LRP1B: variants seen among roughly 807,000 people sequenced by gnomAD.
LRP1B encodes LDL receptor related protein 1B, also known as low-density lipoprotein receptor-related protein 1B.
In LRP1B, 217 loss-of-function variants were observed where a neutral mutation model predicts 556.6. The observed-to-expected ratio is 0.39, with a 90% CI of 0.35 to 0.44. The LOEUF is 0.44. Among genes scored for constraint, LRP1B ranks in the 20% least tolerant of loss-of-function variants. The pLI is 1.00. For missense variants in LRP1B, 5,053 were observed against 5,620.8 expected, an observed-to-expected ratio of 0.90 and a Z score of 3.23; for synonymous variants, 2,047 against 1,865.8, an observed-to-expected ratio of 1.10 and a Z score of -2.50.
At chr2:140,821,544 A>G (rs1691329617) in intron 31 of LRP1B, among the ~76,000 whole-genome samples, 1 of 152,194 alleles carries the variant, frequency 6.6e-6, no homozygotes, top group Non-Finnish European at 1.5e-5. Context: ...TAAAAAATTT[A>G]CTTCTAAAAA....
At chr2:141,070,180 C>A (rs1558839051) in intron 7 of LRP1B, among the ~76,000 whole-genome samples, 1 of 151,904 alleles carries the variant, frequency 6.6e-6, no homozygotes, top group Admixed American at 6.6e-5. Flanking sequence ...ATATGTGCCA[C>A]ATTTTCTTAA....
Position 140,983,252 on chromosome 2 carries a change from T to C in LRP1B, c.2771-976A>G, listed in dbSNP as rs1005940246. 6.6e-5 allele frequency among the ~76,000 whole-genome samples: 10 copies of C among 152,192 alleles called. 1 individual carries two copies. The East Asian group carries it at 1.4e-3, about 21-fold the overall frequency. ...ATATCCCCTCTACCCTTTCCTTTCA[T>C]TGGACTAGAGAAAAAAATGAGATAT... On this transcript the variant is annotated intron_variant, in intron 17 of 90. Coordinates refer to ENST00000389484, the MANE Select transcript of LRP1B (RefSeq NM_018557.3).
intron 11 of LRP1B, among the ~76,000 whole-genome samples, chr2:141,037,831 A>G (rs897798548): frequency 6.6e-6 from 1 of 151,824 alleles, no homozygotes; most frequent in South Asian, 2.1e-4. Context: ...CAGAAGGAAG[A>G]CTTCCAAAAA....
chr2:141,721,324 A>C (rs73963548), intron 2 of LRP1B, among the ~76,000 whole-genome samples: 3,615 of 152,224 alleles, frequency 0.024, 163 homozygotes, highest in African/African-American at 0.082. Flanking sequence ...CTTCTTAAAG[A>C]AGCATTTGAG....
intron 1 of LRP1B, among the ~76,000 whole-genome samples, chr2:141,866,673 A>G (rs1698422380): frequency 6.6e-6 from 1 of 152,080 alleles, no homozygotes; most frequent in Non-Finnish European, 1.5e-5. Flanking sequence ...ATATTTTAGA[A>G]CCTAACACAG....
intron 1 of LRP1B, among the ~76,000 whole-genome samples, chr2:142,079,999 C>A (rs769707851): frequency 6.6e-6 from 1 of 151,866 alleles, no homozygotes; most frequent in Non-Finnish European, 1.5e-5. Flanking sequence ...CTTTCCTTCC[C>A]ATATTAATTT....
intron 1 of LRP1B, among the ~76,000 whole-genome samples, chr2:141,960,305 G>T (rs561448255): frequency 1.3e-5 from 2 of 151,878 alleles, no homozygotes; most frequent in East Asian, 3.9e-4. Flanking sequence ...GACTCTTGAT[G>T]CCCCCAGCCA....
intron 5 of LRP1B, among the ~76,000 whole-genome samples, chr2:141,237,794 CG>C (rs1683700533): frequency 6.6e-6 from 1 of 152,072 alleles, no homozygotes; most frequent in Non-Finnish European, 1.5e-5. Context: ...TGCAAACTGG[CG>C]GCTCTCACAA....
intron 35 of LRP1B, among the ~76,000 whole-genome samples, chr2:140,765,790 G>A (rs915609266): frequency 6.6e-6 from 1 of 152,062 alleles, no homozygotes; most frequent in African/African-American, 2.4e-5. Context: ...CATTCTTTCT[G>A]TAATATCATG....
chr2:140,276,060 C>A (rs986537730), intron 84 of LRP1B, among the ~76,000 whole-genome samples: 1 of 151,784 alleles, frequency 6.6e-6, no homozygotes, highest in East Asian at 1.9e-4. Flanking sequence ...TGATTCCAGA[C>A]TTTGTGTTTA....
At chr2:141,097,096 C>T (rs1301195799) in intron 7 of LRP1B, among the ~76,000 whole-genome samples, 1 of 152,110 alleles carries the variant, frequency 6.6e-6, no homozygotes, top group Non-Finnish European at 1.5e-5. Flanking sequence ...TAATAAATGT[C>T]TGTAGAGTAA....
At chr2:141,149,528 A>G (rs948032664) in intron 7 of LRP1B, among the ~76,000 whole-genome samples, 2 of 152,092 alleles carry the variant, frequency 1.3e-5, no homozygotes, top group African/African-American at 2.4e-5. Flanking sequence ...TTTCTCTTGT[A>G]TTTCTATTCT....
intron 2 of LRP1B, among the ~76,000 whole-genome samples, chr2:141,676,018 G>C (rs1347472369): frequency 6.6e-6 from 1 of 152,082 alleles, no homozygotes; most frequent in East Asian, 1.9e-4. Flanking sequence ...CATTCTTAGA[G>C]GTGGTCTTGC....
At chr2:141,225,258 A>C (rs572440407) in intron 6 of LRP1B, among the ~76,000 whole-genome samples, 78 of 152,264 alleles carry the variant, frequency 5.1e-4, no homozygotes, top group African/African-American at 1.9e-3. Context: ...TAAAATCTTA[A>C]ATGTGATCCT....
intron 3 of LRP1B, among the ~76,000 whole-genome samples, chr2:141,478,173 CCT>C (rs1445400606): frequency 1.5e-4 from 23 of 151,906 alleles, no homozygotes; most frequent in African/African-American, 5.6e-4. Flanking sequence ...ATTTGAATCC[CCT>C]TTTATGCTAT....
chr2:140,311,472 CAT>C lies in LRP1B; in HGVS notation c.12805+3461_12805+3462del, dbSNP rs1326682415. ...TCTTACTTATAAATAGGAGCCAAAT[CAT>C]GTGTACACGTAGACATGTTGTGGAA... is the stretch of plus-strand genomic sequence containing the variant. On this transcript the variant is annotated intron_variant, in intron 83 of 90. Coordinates refer to ENST00000389484, the MANE Select transcript of LRP1B (RefSeq NM_018557.3). 6.6e-5 allele frequency among the ~76,000 whole-genome samples: 10 copies of C among 151,838 alleles called. 2 individuals carry two copies. The highest frequency in any genetic ancestry group is 2.4e-4 in the African/African-American group (10 of 41,506).
At chr2:141,208,508 T>A (rs1054129899) in intron 6 of LRP1B, 5 of 152,196 alleles carry the variant, frequency 3.3e-5, no homozygotes, top group Non-Finnish European at 5.9e-5. Flanking sequence ...TAGATTAAGG[T>A]TCCATATCTC....
At chr2:141,993,157 G>A (rs888602748) in intron 1 of LRP1B, among the ~76,000 whole-genome samples, 4 of 152,072 alleles carry the variant, frequency 2.6e-5, no homozygotes, top group Non-Finnish European at 4.4e-5. Flanking sequence ...GAAAGGGAGA[G>A]AGCAGGGGTA....
chr2:141,350,331 G>A (rs1688399901), intron 3 of LRP1B, among the ~76,000 whole-genome samples: 1 of 152,070 alleles, frequency 6.6e-6, no homozygotes, highest in Admixed American at 6.6e-5. Context: ...GTGATGTTTA[G>A]TGTGTTGTCA....
Sources: allele counts gnomAD v4.1 joint callset (sites outside exome capture counted in the v4.1 genomes callset), GRCh38; gene constraint gnomAD v4.1.1; transcripts MANE v1.5; gene names NCBI Gene and HGNC (gene_info 2026-07-23, HGNC 2026-07-21).